The following PHACTR1 variants were observed in gnomAD, a reference collection of about 807,000 sequenced individuals.
The protein encoded by PHACTR1 is RPEL repeat containing 1.
Under a neutral mutation model 69.2 loss-of-function variants are expected in PHACTR1, and 16 were observed. The observed-to-expected ratio is 0.23, with a 90% CI of 0.16 to 0.35. The LOEUF (loss-of-function observed/expected upper bound fraction) is 0.35. PHACTR1 is among the 10% of genes least tolerant of loss of function. The pLI, the probability that PHACTR1 is intolerant of heterozygous loss-of-function variation, is 1.00. For missense variants in PHACTR1, 510 were observed against 734.7 expected (o/e 0.69, Z 3.54); for synonymous variants, 312 against 284.5 (o/e 1.10, Z -0.97).
rs191075548 is a variant in PHACTR1 at position 12,723,185 on chromosome 6, C to T, written c.103+4338C>T. Among the ~76,000 whole-genome samples the T allele has an allele frequency of 2.0e-5, 3 of 152,132 alleles. No homozygotes were observed. In the East Asian group the frequency reaches 5.8e-4, roughly 29 times the overall value. ...AGACCCTGGGAGGGCCAGCCCCAGGCTCCAGTGCCATTTTTTCAACTAGCC... is the reference window on the plus strand; with the variant it reads ...AGACCCTGGGAGGGCCAGCCCCAGGTTCCAGTGCCATTTTTTCAACTAGCC... On this transcript the variant is annotated intron_variant, in intron 3 of 14. Transcript: ENST00000332995.
intron 4 of PHACTR1, among the ~76,000 whole-genome samples, chr6:12,889,945 C>A (rs1189501888): frequency 6.6e-6 from 1 of 152,070 alleles, no homozygotes; most frequent in African/African-American, 2.4e-5. Flanking sequence ...AGGGCACCCT[C>A]AAATCACCTG....
chr6:13,209,492 T>C lies in PHACTR1; in HGVS notation c.986+3356T>C, dbSNP rs892209583. ...TGGGCCATTGCTGCCCCCTGAAATC[T>C]CAAAGAATGTCACACCATAGGCCAT... On this transcript the variant is annotated intron_variant, in intron 8 of 14. Coordinates refer to ENST00000332995, the MANE Select transcript of PHACTR1 (RefSeq NM_030948.6). 3.9e-5 allele frequency among the ~76,000 whole-genome samples: 6 copies of C among 152,230 alleles called. No individual in the cohort carries two copies. The East Asian group carries it at 1.2e-3, about 29-fold the overall frequency.
At chr6:12,763,250 AC>A (rs771672753) in intron 4 of PHACTR1, among the ~76,000 whole-genome samples, 1 of 150,290 alleles carries the variant, frequency 6.7e-6, no homozygotes, top group Non-Finnish European at 1.5e-5. Context: ...AACAACAACA[AC>A]AACAAAACAG....
chr6:12,921,758 A>AGGAGGAAGGGAGAGAAACAGGGAGGGAG, intron 4 of PHACTR1, among the ~76,000 whole-genome samples: 4 of 46,092 alleles, frequency 8.7e-5, no homozygotes, highest in African/African-American at 2.5e-4. Context: ...AAAGGAAGGA[A>AGGAGGAAGGGAGAGAAACAGGGAGGGAG]GGAAGAAGGA....
chr6:12,726,106 C>G (rs1378358955), intron 3 of PHACTR1, among the ~76,000 whole-genome samples: 1 of 152,090 alleles, frequency 6.6e-6, no homozygotes, highest in Non-Finnish European at 1.5e-5. Flanking sequence ...AGCAAGTCAT[C>G]AACTCTGCTG....
chr6:13,146,111 C>T (rs1272297752), intron 5 of PHACTR1, among the ~76,000 whole-genome samples: 1 of 152,208 alleles, frequency 6.6e-6, no homozygotes, highest in Non-Finnish European at 1.5e-5. Flanking sequence ...AGCTCTGCAA[C>T]TTGGGCAGGT....
chr6:13,056,585 C>T (rs529980135), intron 5 of PHACTR1, among the ~76,000 whole-genome samples: 126 of 152,264 alleles, frequency 8.3e-4, no homozygotes, highest in Non-Finnish European at 1.6e-3. Flanking sequence ...GAAGATAAGG[C>T]AGTCTTTATT....
intron 4 of PHACTR1, among the ~76,000 whole-genome samples, chr6:12,792,840 C>CT (rs58524663): frequency 0.37 from 44,431 of 120,182 alleles, 8,610 homozygotes; most frequent in Middle Eastern, 0.48. Context: ...TAAAGAGAAG[C>CT]TTTTTTTTTT....
chr6:12,950,001 A>C (rs1791107845), intron 4 of PHACTR1, among the ~76,000 whole-genome samples: 1 of 152,234 alleles, frequency 6.6e-6, no homozygotes, highest in Non-Finnish European at 1.5e-5. Flanking sequence ...TTAAGTAGCT[A>C]CTGGAGTGTC....
Position 12,815,993 on chromosome 6 carries a change from G to A in PHACTR1, c.250+66203G>A, listed in dbSNP as rs142505076. ...CAAAGAGAAGGATCCCTCCAATATG[G>A]GCAAGGCAAGAGAAAGTTAACTCAC... On this transcript the variant is annotated intron_variant, in intron 4 of 14. Transcript: ENST00000332995. Among the ~76,000 whole-genome samples, 4 of 152,244 alleles carry A rather than the reference G, an allele frequency of 2.6e-5. No homozygotes were observed. The East Asian group carries it at 7.7e-4, about 29-fold the overall frequency.
chr6:12,770,928 T>C (rs1164097617), intron 4 of PHACTR1, among the ~76,000 whole-genome samples: 1 of 151,578 alleles, frequency 6.6e-6, no homozygotes, highest in Non-Finnish European at 1.5e-5. Flanking sequence ...GAGGAGAGAG[T>C]GTGTGTAAAG....
intron 4 of PHACTR1, among the ~76,000 whole-genome samples, chr6:13,023,633 T>G (rs1583012241): frequency 6.6e-6 from 1 of 152,222 alleles, no homozygotes; most frequent in Admixed American, 6.5e-5. Context: ...TCAAGTACAA[T>G]AGCAACCTGT....
intron 4 of PHACTR1, among the ~76,000 whole-genome samples, chr6:13,050,444 C>G (rs1202925989): frequency 2.0e-5 from 3 of 152,208 alleles, no homozygotes; most frequent in African/African-American, 7.2e-5. Flanking sequence ...TCAGTTCAAA[C>G]TTTCAATCAC....
chr6:12,838,242 C>G (rs1017527052), intron 4 of PHACTR1, among the ~76,000 whole-genome samples: 1 of 152,188 alleles, frequency 6.6e-6, no homozygotes, highest in Non-Finnish European at 1.5e-5. Context: ...AGAAAAGGGT[C>G]ACATGAGGGT....
intron 7 of PHACTR1, among the ~76,000 whole-genome samples, chr6:13,187,218 G>T (rs1360315363): frequency 6.6e-6 from 1 of 152,174 alleles, no homozygotes; most frequent in Non-Finnish European, 1.5e-5. Flanking sequence ...TCATGGCCCT[G>T]GTGGTTGGGG....
intron 8 of PHACTR1, among the ~76,000 whole-genome samples, chr6:13,207,141 G>T (rs9473689): frequency 2.6e-5 from 4 of 152,158 alleles, no homozygotes; most frequent in Non-Finnish European, 5.9e-5. Flanking sequence ...AAATGTATAC[G>T]TAGTCATTAA....
At chr6:12,773,184 C>T (rs1325708493) in intron 4 of PHACTR1, among the ~76,000 whole-genome samples, 1 of 152,134 alleles carries the variant, frequency 6.6e-6, no homozygotes, top group Non-Finnish European at 1.5e-5. Flanking sequence ...TAAAGTTTTG[C>T]ACAGGGTTTT....
chr6:12,987,352 A>C lies in PHACTR1; in HGVS notation c.251-66013A>C, dbSNP rs914239209. 2.0e-5 allele frequency among the ~76,000 whole-genome samples: 3 copies of C among 152,228 alleles called. No homozygotes were observed. In the East Asian group the frequency reaches 5.8e-4, roughly 29 times the overall value. On this transcript the variant is annotated intron_variant, in intron 4 of 14. Coordinates refer to ENST00000332995, the MANE Select transcript of PHACTR1 (RefSeq NM_030948.6). ...AGAGAAGAAAATAGCATTGCGGACC[A>C]GAACATTAATGAAAGGCTTTGTAGA...
chr6:12,850,899 C>T (rs200950606), intron 4 of PHACTR1, among the ~76,000 whole-genome samples: 4 of 152,204 alleles, frequency 2.6e-5, no homozygotes, highest in Non-Finnish European at 5.9e-5. Context: ...ACTTAACTCC[C>T]TTAAGTCTCC....
Sources: gnomAD v4.1 joint callset for allele counts (sites outside exome capture counted in the v4.1 genomes callset) on GRCh38, gnomAD v4.1.1 for gene constraint, MANE v1.5 for transcripts, NCBI Gene and HGNC (gene_info 2026-07-23, HGNC 2026-07-21) for gene names.